PPM1H: variants seen among roughly 807,000 people sequenced by gnomAD.
The protein encoded by PPM1H is protein phosphatase, Mg2+/Mn2+ dependent 1H, also known as protein phosphatase 1H.
In PPM1H, 27 loss-of-function variants were observed where a neutral mutation model predicts 54.9. The observed-to-expected ratio is 0.49, with a 90% CI of 0.36 to 0.68. The LOEUF (loss-of-function observed/expected upper bound fraction) is 0.68. Among genes scored for constraint, PPM1H ranks in the 30% least tolerant of loss-of-function variants. The pLI, the probability that PPM1H is intolerant of heterozygous loss-of-function variation, is 0.00. For missense variants in PPM1H, 596 were observed against 667.8 expected (o/e 0.89, Z 1.19); for synonymous variants, 305 against 270.8 (o/e 1.13, Z -1.24).
At chr12:62,754,038 G>A (rs1384912102) in intron 4 of PPM1H, among the ~76,000 whole-genome samples, 1 of 152,128 alleles carries the variant, frequency 6.6e-6, no homozygotes, top group Non-Finnish European at 1.5e-5. Context: ...TTACAGAAGA[G>A]AATCTTGCTG....
chr12:62,661,726 T>C (rs201047381), intron 9 of PPM1H, among the ~76,000 whole-genome samples: 189 of 147,356 alleles, frequency 1.3e-3, no homozygotes, highest in African/African-American at 3.2e-3. Context: ...ACTTTTTTTT[T>C]CCTTATTTTT....
At chr12:62,698,598 C>G (rs911330473) in intron 6 of PPM1H, among the ~76,000 whole-genome samples, 2 of 151,900 alleles carry the variant, frequency 1.3e-5, no homozygotes, top group African/African-American at 4.8e-5. Context: ...AAAATGGTAC[C>G]CGGAACTGAA....
chr12:62,810,149 T>C (rs373398409), intron 2 of PPM1H, among the ~76,000 whole-genome samples: 4 of 152,042 alleles, frequency 2.6e-5, no homozygotes, highest in African/African-American at 9.7e-5. Flanking sequence ...GAGAGAATGG[T>C]TTTTATTTTT....
chr12:62,719,101 C>T (rs1592561106), intron 6 of PPM1H, among the ~76,000 whole-genome samples: 1 of 152,172 alleles, frequency 6.6e-6, no homozygotes, highest in Non-Finnish European at 1.5e-5. Flanking sequence ...AGAGTGGATA[C>T]AGGTGAGAAA....
chr12:62,868,941 G>C (rs1415352446), intron 1 of PPM1H, among the ~76,000 whole-genome samples: 1 of 152,172 alleles, frequency 6.6e-6, no homozygotes. Context: ...AGAAGAACCT[G>C]GATAAAAACC....
At chr12:62,897,653 A>G (rs11174712) in intron 1 of PPM1H, among the ~76,000 whole-genome samples, 52,993 of 151,836 alleles carry the variant, frequency 0.35, 9,624 homozygotes, top group East Asian at 0.55. Flanking sequence ...TGGGATCCCA[A>G]TGAAGGACAC....
At chr12:62,925,068 A>G (rs1159008500) in intron 1 of PPM1H, among the ~76,000 whole-genome samples, 1 of 152,206 alleles carries the variant, frequency 6.6e-6, no homozygotes, top group African/African-American at 2.4e-5. Flanking sequence ...AATGCACTCA[A>G]TAAACCTGCA....
intron 9 of PPM1H, among the ~76,000 whole-genome samples, chr12:62,654,199 C>G (rs1425612237): frequency 9.1e-6 from 1 of 109,816 alleles, no homozygotes; most frequent in Non-Finnish European, 1.7e-5. Context: ...ATCTGGGTGA[C>G]AGAGAGAGAC....
intron 6 of PPM1H, among the ~76,000 whole-genome samples, chr12:62,713,812 C>T (rs2076221042): frequency 6.6e-6 from 1 of 151,944 alleles, no homozygotes. Flanking sequence ...CTACAAAATA[C>T]ACAAAAATTA....
intron 3 of PPM1H, among the ~76,000 whole-genome samples, chr12:62,793,848 G>C (rs545850164): frequency 1.3e-5 from 2 of 151,926 alleles, no homozygotes; most frequent in East Asian, 3.9e-4. Context: ...GTAATAATTT[G>C]GTTTGAAAGT....
At chr12:62,899,706 A>C (rs1005501767) in intron 1 of PPM1H, among the ~76,000 whole-genome samples, 3 of 152,214 alleles carry the variant, frequency 2.0e-5, no homozygotes, top group Non-Finnish European at 2.9e-5. Context: ...CTGTAAAGAC[A>C]ACAAAGCTCA....
At chr12:62,729,972 C>T (rs1376297473) in intron 5 of PPM1H, among the ~76,000 whole-genome samples, 1 of 152,084 alleles carries the variant, frequency 6.6e-6, no homozygotes, top group Non-Finnish European at 1.5e-5. Context: ...ATGGCCTGTT[C>T]CTGCCTTAAC....
At chr12:62,679,634 C>T (rs1442339943) in intron 8 of PPM1H, among the ~76,000 whole-genome samples, 1 of 152,072 alleles carries the variant, frequency 6.6e-6, no homozygotes, top group Non-Finnish European at 1.5e-5. Context: ...AAAATTACAA[C>T]ATATTACTGG....
chr12:62,897,628 A>G (rs944129517), intron 1 of PPM1H, among the ~76,000 whole-genome samples: 2 of 152,122 alleles, frequency 1.3e-5, no homozygotes, highest in South Asian at 2.1e-4. Flanking sequence ...GACAGCCCCA[A>G]TAGCTGGAAT....
intron 2 of PPM1H, among the ~76,000 whole-genome samples, chr12:62,820,072 A>C (rs780973015): frequency 1.3e-5 from 2 of 152,236 alleles, no homozygotes; most frequent in Non-Finnish European, 2.9e-5. Flanking sequence ...CTCCCGCCCA[A>C]ATACTGCGCT....
At chr12:62,916,261 T>A (rs1451847242) in intron 1 of PPM1H, among the ~76,000 whole-genome samples, 1 of 152,258 alleles carries the variant, frequency 6.6e-6, no homozygotes, top group Non-Finnish European at 1.5e-5. Context: ...TGAAATAGTC[T>A]TAAGTTTTAC....
At chr12:62,734,777 C>T (rs771272574) in intron 5 of PPM1H, among the ~76,000 whole-genome samples, 4 of 152,152 alleles carry the variant, frequency 2.6e-5, no homozygotes, top group African/African-American at 4.8e-5. Flanking sequence ...CATAGTGGCT[C>T]ACGCTTGTAA....
chr12:62,815,111 C>A (rs1482452627), intron 2 of PPM1H, among the ~76,000 whole-genome samples: 3 of 150,834 alleles, frequency 2.0e-5, no homozygotes, highest in African/African-American at 7.5e-5. Context: ...CATGAAAGAC[C>A]TTCCTAGGGC....
At chr12:62,837,625 A>G (rs1868541450) in intron 1 of PPM1H, among the ~76,000 whole-genome samples, 1 of 152,242 alleles carries the variant, frequency 6.6e-6, no homozygotes, top group Non-Finnish European at 1.5e-5. Context: ...TGGGCAAGGT[A>G]CTTTTTTCCC....
Sources: allele counts gnomAD v4.1 joint callset (sites outside exome capture counted in the v4.1 genomes callset), GRCh38; gene constraint gnomAD v4.1.1; transcripts MANE v1.5; gene names NCBI Gene and HGNC (gene_info 2026-07-23, HGNC 2026-07-21).